Variants in ZNF827 observed in about 807,000 individuals in gnomAD.
ZNF827 encodes zinc finger protein 827.
Under a neutral mutation model 102.4 loss-of-function variants are expected in ZNF827, and 13 were observed. The ratio of observed to expected loss-of-function variants is 0.13; its 90% confidence interval spans 0.08 to 0.20. ZNF827 has a LOEUF of 0.20. Among genes scored for constraint, ZNF827 ranks in the 10% least tolerant of loss-of-function variants. The pLI is 1.00. For missense variants in ZNF827, 1,103 were observed against 1,344.4 expected (o/e 0.82, Z 2.81); for synonymous variants, 523 against 536.2 (o/e 0.98, Z 0.34).
At chr4:145,928,097 G>A (rs1399916513) in intron 1 of ZNF827, among the ~76,000 whole-genome samples, 4 of 152,152 alleles carry the variant, frequency 2.6e-5, no homozygotes, top group Non-Finnish European at 4.4e-5. Context: ...CCAGGTCCAC[G>A]AGCTAATTTT....
intron 4 of ZNF827, among the ~76,000 whole-genome samples, chr4:145,880,928 A>T (rs1157862025): frequency 1.3e-5 from 2 of 152,244 alleles, no homozygotes; most frequent in Non-Finnish European, 2.9e-5. Flanking sequence ...TCATTTGTTG[A>T]GATGACTGCC....
At chr4:145,772,331 T>C (rs532547268) in intron 11 of ZNF827, among the ~76,000 whole-genome samples, 1 of 152,328 alleles carries the variant, frequency 6.6e-6, no homozygotes, top group East Asian at 1.9e-4. Flanking sequence ...ATATAACATA[T>C]ATATTGCTTT....
chr4:145,770,626 G>A (rs1165256237), intron 11 of ZNF827, among the ~76,000 whole-genome samples: 1 of 151,820 alleles, frequency 6.6e-6, no homozygotes, highest in Non-Finnish European at 1.5e-5. Context: ...CTAATACTTT[G>A]TATTTTCCCA....
At chr4:145,910,046 A>G (rs1752164534) in intron 1 of ZNF827, among the ~76,000 whole-genome samples, 1 of 152,182 alleles carries the variant, frequency 6.6e-6, no homozygotes, top group Non-Finnish European at 1.5e-5. Context: ...GGTGCAGAAG[A>G]CAACCAGATT....
At chr4:145,778,154 A>T (rs561118633) in intron 9 of ZNF827, among the ~76,000 whole-genome samples, 75 of 152,002 alleles carry the variant, frequency 4.9e-4, no homozygotes, top group Non-Finnish European at 9.6e-4. Context: ...TTTTTTTGAG[A>T]CTGAGTTTCG....
intron 7 of ZNF827, among the ~76,000 whole-genome samples, chr4:145,826,077 ACACACAGCTGC>A (rs769287934): frequency 2.0e-5 from 3 of 152,230 alleles, no homozygotes; most frequent in Non-Finnish European, 4.4e-5. Context: ...CTCAGACCAA[ACACACAGCTGC>A]CATGCTCTGC....
At chr4:145,786,720 G>A (rs1292401409) in intron 8 of ZNF827, among the ~76,000 whole-genome samples, 3 of 152,222 alleles carry the variant, frequency 2.0e-5, no homozygotes, top group Non-Finnish European at 4.4e-5. Flanking sequence ...ACCACCTTCT[G>A]AGGGCTGCTT....
In ZNF827 at chr4:145,892,417, T is replaced by C. The variant is rs1335308319; in HGVS notation, c.1094-2A>G. 6.2e-7 allele frequency: 1 copy of C among 1,609,990 alleles called. No homozygotes were observed. ...GCTTTCCACTTTCCTCTTCTGAGGC[T>C]TGGAAGAAGGAGAAAGAAAGGACCA... On this transcript the variant is annotated splice_acceptor_variant, in intron 2 of 14. Coordinates refer to ENST00000508784, the MANE Select transcript of ZNF827 (RefSeq NM_001306215.2). LOFTEE classifies it high-confidence loss of function.
At chr4:145,913,150 G>C (rs1466292235) in intron 1 of ZNF827, among the ~76,000 whole-genome samples, 1 of 152,160 alleles carries the variant, frequency 6.6e-6, no homozygotes, top group East Asian at 1.9e-4. Context: ...AATAGGCCAA[G>C]CATGGTGGCT....
intron 3 of ZNF827, 28 bp downstream of exon 3, chr4:145,892,215 C>T (rs755990127): frequency 6.3e-7 from 1 of 1,584,546 alleles, no homozygotes; most frequent in Admixed American, 1.7e-5. Context: ...CCTGCCTCTC[C>T]AGGAGGTGCA....
chr4:145,906,671 A>C (rs1352895404), intron 1 of ZNF827, among the ~76,000 whole-genome samples: 2 of 152,246 alleles, frequency 1.3e-5, no homozygotes, highest in African/African-American at 2.4e-5. Context: ...CCTTCTTGAA[A>C]GATACAACAG....
intron 4 of ZNF827, among the ~76,000 whole-genome samples, chr4:145,875,160 A>G (rs959637515): frequency 9.8e-5 from 15 of 152,378 alleles, no homozygotes; most frequent in African/African-American, 3.1e-4. Flanking sequence ...AAAATACTAT[A>G]TAACTTCCTT....
At chr4:145,871,950 C>G (rs1748724964) in intron 4 of ZNF827, among the ~76,000 whole-genome samples, 1 of 152,182 alleles carries the variant, frequency 6.6e-6, no homozygotes, top group South Asian at 2.1e-4. Context: ...CTCCACCGCA[C>G]CACCTCCACT....
Position 145,812,495 on chromosome 4 carries a change from TTATA to T in ZNF827, c.2383+10923_2383+10926del, listed in dbSNP as rs1391515799. Among the ~76,000 whole-genome samples the T allele has an allele frequency of 7.1e-5, 9 of 127,200 alleles. No homozygotes were observed. In the East Asian group the frequency reaches 2.0e-3, roughly 29 times the overall value. 83.4% of individuals were successfully genotyped at this position (127,200 alleles called of 152,430 possible). On this transcript the variant is annotated intron_variant, in intron 8 of 14. Coordinates refer to ENST00000508784, the MANE Select transcript of ZNF827 (RefSeq NM_001306215.2). ...CTTTCTACTGTCAAGGTAAACCATT[TTATA>T]TTTATTTATTTATTTATTTATTTAT...
intron 8 of ZNF827, among the ~76,000 whole-genome samples, chr4:145,812,192 C>T (rs933531389): frequency 6.6e-6 from 1 of 151,750 alleles, no homozygotes; most frequent in Non-Finnish European, 1.5e-5. Context: ...TCCCAAAGTA[C>T]TGGAATTACA....
chr4:145,863,847 T>G (rs1481976253), intron 5 of ZNF827, among the ~76,000 whole-genome samples: 1 of 152,180 alleles, frequency 6.6e-6, no homozygotes, highest in Non-Finnish European at 1.5e-5. Context: ...ATACTAAATA[T>G]CATTGAATTG....
chr4:145,905,744 T>C (rs990716289), intron 1 of ZNF827, among the ~76,000 whole-genome samples: 1 of 152,202 alleles, frequency 6.6e-6, no homozygotes, highest in Admixed American at 6.5e-5. Flanking sequence ...CATCCTTCAG[T>C]AGAATCACAT....
rs10605153 is a variant in ZNF827, at chr4:145,781,195, C to CA, written c.2384-1685dup. On this transcript the variant is annotated intron_variant, in intron 8 of 14. Coordinates refer to ENST00000508784, the MANE Select transcript of ZNF827 (RefSeq NM_001306215.2). ...CGGGCAACAGAACGAGACACCATCTCAAAAAAAAAAAAAAAAAAAAAAGAA... is the reference window on the plus strand; with the variant it reads ...CGGGCAACAGAACGAGACACCATCTCAAAAAAAAAAAAAAAAAAAAAAAGAA... Among the ~76,000 whole-genome samples, 296 of 56,538 alleles carry CA rather than the reference C, an allele frequency of 5.2e-3. 13 individuals carry two copies. The highest frequency in any genetic ancestry group is 8.5e-3 in the Admixed American group (23 of 2,718). 37.1% of individuals were successfully genotyped at this position (56,538 alleles called of 152,430 possible).
intron 7 of ZNF827, among the ~76,000 whole-genome samples, chr4:145,842,544 A>G (rs1745521270): frequency 6.6e-6 from 1 of 152,196 alleles, no homozygotes; most frequent in South Asian, 2.1e-4. Context: ...AAATAACGAT[A>G]AACAATTGTG....
Sources: gnomAD v4.1 joint callset for allele counts (sites outside exome capture counted in the v4.1 genomes callset) on GRCh38, gnomAD v4.1.1 for gene constraint, MANE v1.5 for transcripts, NCBI Gene and HGNC (gene_info 2026-07-23, HGNC 2026-07-21) for gene names.